AMOT: variants seen among roughly 807,000 people sequenced by gnomAD.
AMOT encodes the protein angiomotin.
A neutral mutation model predicts 67.0 loss-of-function variants in AMOT; 11 were observed. That is an observed-to-expected ratio of 0.16 (90% CI 0.10 to 0.27). The LOEUF is 0.27. Among genes scored for constraint, AMOT ranks in the 10% least tolerant of loss-of-function variants. The pLI is 1.00. For synonymous variants in AMOT, 326 were observed against 321.4 expected, an observed-to-expected ratio of 1.01 and a Z score of -0.15; for missense variants, 753 against 852.0, an observed-to-expected ratio of 0.88 and a Z score of 1.45.
At chrX:112,796,082 G>A (rs1016798830) in intron 8 of AMOT, among the ~76,000 whole-genome samples, 32 of 109,491 alleles carry the variant, frequency 2.9e-4, no homozygotes, top group African/African-American at 1.0e-3. Context: ...AGATCTCTAA[G>A]AGTCTTTAAC....
In AMOT at chrX:112,789,027, C is replaced by T. The variant is rs145909125; in HGVS notation, c.2117+1565G>A. On this transcript the variant is annotated intron_variant, in intron 10 of 13. Coordinates refer to ENST00000371959, the MANE Select transcript of AMOT (RefSeq NM_001113490.2). ...AGTGACAACCCCTGAAGCTCTCCTG[C>T]ATTTTGACCTGGAGTCTATTCTGAA... Among the ~76,000 whole-genome samples, 435 of 111,890 alleles carry T rather than the reference C, an allele frequency of 3.9e-3. 8 individuals carry two copies. The highest frequency in any genetic ancestry group is 0.035 in the Admixed American group (371 of 10,589).
chrX:112,774,918 G>A lies in AMOT; in HGVS notation c.*3649C>T, dbSNP rs1195618227. ...TAACTTTATTGTCAGTGAAAAGATA[G>A]GCACAAAGTGGATTTAAACCTGCTT... On this transcript the variant is annotated 3_prime_UTR_variant, in exon 14 of 14. Coordinates refer to ENST00000371959, the MANE Select transcript of AMOT (RefSeq NM_001113490.2). 2 of 112,231 alleles carry A rather than the reference G, an allele frequency of 1.8e-5. No individual in the cohort carries two copies. The highest frequency in any genetic ancestry group is 3.8e-5 in the Non-Finnish European group (2 of 53,300). The allele number at this position is 112,231 out of a possible 1,213,427, so 9.2% of individuals were successfully genotyped here.
intron 8 of AMOT, among the ~76,000 whole-genome samples, chrX:112,799,483 T>A (rs1329509806): frequency 8.9e-6 from 1 of 112,100 alleles, no homozygotes; most frequent in Non-Finnish European, 1.9e-5. Flanking sequence ...AACACTCTTA[T>A]ACAAATGTCA....
At chrX:112,823,837 A>G (rs139099447) in intron 3 of AMOT, among the ~76,000 whole-genome samples, 22 of 112,051 alleles carry the variant, frequency 2.0e-4, no homozygotes, top group East Asian at 8.4e-4. Flanking sequence ...GACTTGGAAT[A>G]CTTATTACTG....
chrX:112,834,185 T>G (rs1602847517), intron 1 of AMOT, among the ~76,000 whole-genome samples: 2 of 111,899 alleles, frequency 1.8e-5, no homozygotes, highest in African/African-American at 6.5e-5. Flanking sequence ...ATATTCCAAG[T>G]ATGCACCACC....
Position 112,779,507 on chromosome X carries a change from C to G in AMOT, c.2647G>C (p.Val883Leu). ...GCGGCAGCAGCAACTGGAGCAGGAA[C>G]AGAGATGGGAGCAACAGCTGCAGTT... ...NKTAAVAPIS[V>L]PAPVAAAATA... Residue 883 changes from valine to leucine, a missense_variant, in exon 13 of 14, where the codon GTT becomes CTT. This residue lies in a region of AMOT where 269 missense variants were observed against 300.9 expected (regional missense o/e 0.89). Coordinates refer to ENST00000371959, the MANE Select transcript of AMOT (RefSeq NM_001113490.2). 1 of 1,211,141 alleles carries G rather than the reference C, an allele frequency of 8.3e-7. No individual in the cohort carries two copies. The highest frequency in any genetic ancestry group is 1.1e-6 in the Non-Finnish European group (1 of 895,342).
In AMOT at chrX:112,779,416, A is replaced by G. The variant is rs200107563; in HGVS notation, c.2738T>C (p.Val913Ala). 1.7e-5 allele frequency: 19 copies of G among 1,109,792 alleles called. No individual in the cohort carries two copies. The South Asian group carries it at 3.0e-4, about 18-fold the overall frequency. 91.5% of individuals were successfully genotyped at this position (1,109,792 alleles called of 1,213,427 possible). ...TGGAGCAGCAGCAGCAGCAACAGCA[A>G]CTGGAGCAGCAGCTACCATGGTGGT... ...ITTTMVAAAP[V>A]AVAAAAAPAA... is the part of the protein sequence containing the mutation. The change falls in exon 13 of 14, where the codon GTT (valine) becomes GCT (alanine). Residue 913 changes from valine (V) to alanine (A), a missense_variant. This residue lies in a region of AMOT where 269 missense variants were observed against 300.9 expected (regional missense o/e 0.89). Coordinates refer to ENST00000371959, the MANE Select transcript of AMOT (RefSeq NM_001113490.2).
At chrX:112,825,866 C>T (rs1427788975) in intron 2 of AMOT, among the ~76,000 whole-genome samples, 2 of 109,312 alleles carry the variant, frequency 1.8e-5, no homozygotes, top group Admixed American at 1.0e-4. Context: ...GGAGCTTACA[C>T]TCTGATCATC....
At position 112,840,519 on chromosome X, in the gene AMOT, G is replaced by A. The variant is rs1426487685; in HGVS notation, c.-356C>T. The A allele has an allele frequency of 8.9e-6, 1 of 112,920 alleles. No homozygotes were observed. The highest frequency in any genetic ancestry group is 1.9e-5 in the Non-Finnish European group (1 of 53,394). 9.3% of individuals were successfully genotyped at this position (112,920 alleles called of 1,213,427 possible). On this transcript the variant is annotated 5_prime_UTR_variant, in exon 1 of 14. Transcript: ENST00000371959. The stretch of plus-strand genomic sequence containing the variant: ...CAAGTGGCTTCGGTCCCGGGCCAGC[G>A]GCCAGGGATGGGCAGGGGGGAAGCC...
At chrX:112,839,316 TCTAA>T (rs907534719) in intron 1 of AMOT, among the ~76,000 whole-genome samples, 6 of 111,927 alleles carry the variant, frequency 5.4e-5, no homozygotes, top group Non-Finnish European at 7.5e-5. Flanking sequence ...TGCTGAAAGG[TCTAA>T]CTGAGAAGGC....
intron 1 of AMOT, among the ~76,000 whole-genome samples, chrX:112,833,779 G>A (rs1935063946): frequency 8.9e-6 from 1 of 111,932 alleles, no homozygotes; most frequent in African/African-American, 3.3e-5. Flanking sequence ...ACAAAACTCT[G>A]AACTGAAAAT....
chrX:112,814,776 T>C (rs1602809005), intron 5 of AMOT, among the ~76,000 whole-genome samples: 1 of 111,665 alleles, frequency 9.0e-6, no homozygotes, highest in African/African-American at 3.3e-5. Context: ...AGAGCAGATG[T>C]TGAATTTGAG....
At position 112,815,352 on chromosome X, in the gene AMOT, C is replaced by G; in HGVS notation, c.1392+6G>C. 1.7e-6 allele frequency: 2 copies of G among 1,201,200 alleles called. No individual in the cohort carries two copies. Among genetic ancestry groups the G allele is most frequent in the Non-Finnish European group, 2.2e-6 (2 of 890,309 alleles). ...AGACCCTAATATCCCAAAACGGAAG[C>G]CTCACCTTCTGCAGTCTTGCCACCT... On this transcript the variant is annotated splice_donor_region_variant and intron_variant, in intron 5 of 13. Coordinates refer to ENST00000371959, the MANE Select transcript of AMOT (RefSeq NM_001113490.2).
intron 10 of AMOT, among the ~76,000 whole-genome samples, chrX:112,788,954 T>C (rs1211132099): frequency 8.9e-6 from 1 of 112,205 alleles, no homozygotes. Context: ...TACACAAAGC[T>C]TTCAAAGGAC....
At chrX:112,810,077 A>C in intron 6 of AMOT, 91 bp from the exon 7 acceptor site, 3 of 717,073 alleles carry the variant, frequency 4.2e-6, no homozygotes, top group Non-Finnish European at 6.3e-6. Flanking sequence ...TTGGTAAAAC[A>C]AGCCTGTTTC....
At chrX:112,807,783 T>A (rs1481195351) in intron 7 of AMOT, among the ~76,000 whole-genome samples, 1 of 112,293 alleles carries the variant, frequency 8.9e-6, no homozygotes, top group African/African-American at 3.2e-5. Context: ...ATGATCATCA[T>A]CACCACGATT....
chrX:112,814,054 C>A (rs530344676), intron 5 of AMOT, among the ~76,000 whole-genome samples: 1 of 111,365 alleles, frequency 9.0e-6, no homozygotes, highest in African/African-American at 3.3e-5. Flanking sequence ...GGGCGGATCA[C>A]CTGAGGTCGG....
intron 4 of AMOT, 107 bp downstream of exon 4, chrX:112,822,148 A>T: frequency 1.0e-6 from 1 of 986,049 alleles, no homozygotes; most frequent in Non-Finnish European, 1.3e-6. Flanking sequence ...TGCATTGCAG[A>T]GTTTGTTATA....
chrX:112,778,599 G>A lies in AMOT; in HGVS notation c.3223C>T (p.Pro1075Ser), dbSNP rs776848701. 6.4e-5 allele frequency: 77 copies of A among 1,207,153 alleles called. No homozygotes were observed. The South Asian group carries it at 1.4e-3, about 22-fold the overall frequency. The change falls in exon 14 of 14, where the codon CCT becomes TCT. Residue 1075 changes from proline (P) to serine (S), a missense_variant. Coordinates refer to ENST00000371959, the MANE Select transcript of AMOT (RefSeq NM_001113490.2). ...KTPIQILGQEPDAEMVEYLI is the reference protein window; with the variant it reads ...KTPIQILGQESDAEMVEYLI ...AGATATTCCACCATCTCTGCATCAG[G>A]CTCTTGTCCCAGGATCTGAATGGGA...
Sources: allele counts gnomAD v4.1 joint callset (sites outside exome capture counted in the v4.1 genomes callset), GRCh38; gene constraint gnomAD v4.1.1; regional missense constraint gnomAD v4.1.1; transcripts MANE v1.5; gene names NCBI Gene and HGNC (gene_info 2026-07-23, HGNC 2026-07-21).